PKP1: variants seen among roughly 807,000 people sequenced by gnomAD.
PKP1 encodes plakophilin 1, also known as plakophilin-1.
A neutral mutation model predicts 76.4 loss-of-function variants in PKP1; 27 were observed. The ratio of observed to expected loss-of-function variants is 0.35; its 90% confidence interval spans 0.26 to 0.49. The LOEUF (loss-of-function observed/expected upper bound fraction) is 0.49, where lower values mean the gene tolerates loss of function less well. Among genes scored for constraint, PKP1 ranks in the 20% least tolerant of loss-of-function variants. The pLI is 0.99. For synonymous variants in PKP1, 404 were observed against 384.2 expected, an observed-to-expected ratio of 1.05 and a Z score of -0.60; for missense variants, 964 against 955.2, an observed-to-expected ratio of 1.01 and a Z score of -0.12.
chr1:201,285,602 C>T (rs547100933), intron 1 of PKP1, among the ~76,000 whole-genome samples: 3 of 152,310 alleles, frequency 2.0e-5, no homozygotes, highest in Admixed American at 1.3e-4. Flanking sequence ...CACAGCTCAA[C>T]CTACTCTCCT....
At position 201,328,746 on chromosome 1, in the gene PKP1, G is replaced by C. The variant is rs750079850; in HGVS notation, c.2107-16G>C. ...CACAGTTTTGTGTCATTTGGTTGCT[G>C]TTTCTCCCTTTGCAGCAAGGTTTCG... On this transcript the variant is annotated splice_polypyrimidine_tract_variant and intron_variant, in intron 12 of 13. Coordinates refer to ENST00000367324, the MANE Select transcript of PKP1 (RefSeq NM_001005337.3). 1.9e-6 allele frequency: 3 copies of C among 1,613,548 alleles called. No individual in the cohort carries two copies. The highest frequency in any genetic ancestry group is 2.7e-5 in the African/African-American group (2 of 75,046).
At chr1:201,306,256 G>C (rs1224140664) in intron 2 of PKP1, among the ~76,000 whole-genome samples, 5 of 152,262 alleles carry the variant, frequency 3.3e-5, no homozygotes, top group African/African-American at 9.6e-5. Flanking sequence ...GCAGGAAGTG[G>C]AGACAGAGCT....
rs10920175 is a variant in PKP1 at position 201,331,714 on chromosome 1, T to C, written c.*1673T>C. 137,932 of 152,304 alleles carry C rather than the reference T, an allele frequency of 0.91. 62,664 individuals carry two copies. Among genetic ancestry groups the C allele is most frequent in the Non-Finnish European group, 0.94 (63,770 of 68,076 alleles). 9.4% of individuals were successfully genotyped at this position (152,304 alleles called of 1,614,324 possible). On this transcript the variant is annotated 3_prime_UTR_variant, in exon 14 of 14. Coordinates refer to ENST00000367324, the MANE Select transcript of PKP1 (RefSeq NM_001005337.3). ...AAACACTGATGTGGACTCAGTATGA[T>C]AACTGAGATGGGGGACGCCAGACAT...
At chr1:201,284,375 A>G (rs1291901574) in intron 1 of PKP1, among the ~76,000 whole-genome samples, 1 of 151,984 alleles carries the variant, frequency 6.6e-6, no homozygotes, top group Non-Finnish European at 1.5e-5. Flanking sequence ...CCTGGGCTTG[A>G]TCTCCTGGCC....
chr1:201,313,587 AG>A, intron 3 of PKP1, 27 bp downstream of exon 3: 1 of 1,602,782 alleles, frequency 6.2e-7, no homozygotes, highest in Non-Finnish European at 8.5e-7. Context: ...TGGGTTGGGG[AG>A]CCAGGAGGGC....
At chr1:201,322,316 T>A (rs965010405) in intron 8 of PKP1, among the ~76,000 whole-genome samples, 183 bp downstream of exon 8, 1 of 152,170 alleles carries the variant, frequency 6.6e-6, no homozygotes, top group African/African-American at 2.4e-5. Context: ...AGGCCATTCA[T>A]CTTGCACAAG....
chr1:201,300,065 C>T (rs1369354411), intron 2 of PKP1, among the ~76,000 whole-genome samples: 1 of 152,236 alleles, frequency 6.6e-6, no homozygotes. Flanking sequence ...ATGACTCACC[C>T]CCACCCAGCC....
chr1:201,297,389 G>T (rs976076142), intron 2 of PKP1, among the ~76,000 whole-genome samples: 3 of 152,182 alleles, frequency 2.0e-5, no homozygotes, highest in Non-Finnish European at 4.4e-5. Context: ...GTGAGATGGA[G>T]CAAAAGATGG....
rs1656848517 is a variant in PKP1 at position 201,318,727 on chromosome 1, T to C, written c.1164T>C (p.Asp388=). 2 of 1,612,116 alleles carry C rather than the reference T, an allele frequency of 1.2e-6. No homozygotes were observed. Among genetic ancestry groups the C allele is most frequent in the East Asian group, 2.2e-5 (1 of 44,886 alleles). The change falls in exon 6 of 14, where the codon GAT becomes GAC. Residue 388 remains aspartate, a synonymous_variant. Transcript: ENST00000367324. ...RVIIPFSGWC[D]GNSNMSREVV... is the part of the protein sequence containing the mutation. ...TCATTCCCTTCTCTGGCTGGTGCGA[T>C]GGCAATAGCAACATGTCCCGGGAAG...
intron 6 of PKP1, among the ~76,000 whole-genome samples, chr1:201,319,116 T>C (rs1414437342): frequency 2.0e-5 from 1 of 49,604 alleles, no homozygotes; most frequent in Admixed American, 2.9e-4. Flanking sequence ...ATGCATTTCT[T>C]GTGCTATCAT....
chr1:201,317,822 A>G lies in PKP1; in HGVS notation c.1054+43A>G, dbSNP rs946783295. On this transcript the variant is annotated intron_variant, in intron 5 of 13. Coordinates refer to ENST00000367324, the MANE Select transcript of PKP1 (RefSeq NM_001005337.3). Reference sequence around the variant, plus strand: ...CCGAGAGCCAGCCTGAGGGCTGTGCAAGGCCACTGGCTATGGCCCCAGGCT... The same window carrying G: ...CCGAGAGCCAGCCTGAGGGCTGTGCGAGGCCACTGGCTATGGCCCCAGGCT... The G allele has an allele frequency of 3.2e-6, 5 of 1,566,102 alleles. No individual in the cohort carries two copies. In the African/African-American group the frequency reaches 5.4e-5, roughly 17 times the overall value.
chr1:201,325,162 A>T (rs1004968189), intron 11 of PKP1, 35 bp downstream of exon 11: 92 of 1,599,114 alleles, frequency 5.8e-5, no homozygotes, highest in Non-Finnish European at 7.6e-5. Context: ...GCTGCACCCC[A>T]ATCAGAGCCC....
intron 1 of PKP1, among the ~76,000 whole-genome samples, chr1:201,285,834 T>G (rs75888275): frequency 0.059 from 8,944 of 152,330 alleles, 350 homozygotes; most frequent in Middle Eastern, 0.16. Flanking sequence ...CTTTGTTCCC[T>G]CTTTGTTTTT....
At chr1:201,330,005 A>G (rs1223634810) in intron 13 of PKP1, 69 bp from the exon 14 acceptor site, 2 of 152,240 alleles carry the variant, frequency 1.3e-5, no homozygotes, top group African/African-American at 4.8e-5. Context: ...GGGTGGCAGT[A>G]CAGGCTGGGC....
At chr1:201,284,217 G>T (rs1486544786) in intron 1 of PKP1, among the ~76,000 whole-genome samples, 2 of 152,198 alleles carry the variant, frequency 1.3e-5, no homozygotes, top group Non-Finnish European at 2.9e-5. Flanking sequence ...CCCCGCGAGC[G>T]GTTCTCCTGT....
Position 201,283,606 on chromosome 1 carries a change from C to A in PKP1, c.-97C>A, listed in dbSNP as rs1213131872. ...TATGGCCGTAGGGAGCCGCTGAGAG[C>A]GAGAAGAGCACGCTCCTGCCCGCCC... is the stretch of plus-strand genomic sequence containing the variant. On this transcript the variant is annotated 5_prime_UTR_variant, in exon 1 of 14. Coordinates refer to ENST00000367324, the MANE Select transcript of PKP1 (RefSeq NM_001005337.3). 3.7e-6 allele frequency: 4 copies of A among 1,075,632 alleles called. No individual in the cohort carries two copies. Among genetic ancestry groups the A allele is most frequent in the Non-Finnish European group, 5.6e-6 (4 of 719,346 alleles). The allele number at this position is 1,075,632 out of a possible 1,614,324, so 66.6% of individuals were successfully genotyped here. A position where few individuals can be genotyped will look rare whatever the true frequency, so the allele number is the denominator to read the frequency against.
At chr1:201,314,757 A>G (rs1431945073) in intron 3 of PKP1, among the ~76,000 whole-genome samples, 2 of 152,238 alleles carry the variant, frequency 1.3e-5, no homozygotes, top group East Asian at 3.8e-4. Context: ...TTTGCCGACC[A>G]TCTACTACAT....
intron 3 of PKP1, among the ~76,000 whole-genome samples, chr1:201,314,767 T>C (rs1656674188): frequency 6.6e-6 from 1 of 152,254 alleles, no homozygotes; most frequent in Admixed American, 6.5e-5. Flanking sequence ...ATCTACTACA[T>C]GCCAGGCTCT....
At chr1:201,284,843 C>G (rs1001552194) in intron 1 of PKP1, among the ~76,000 whole-genome samples, 3 of 152,054 alleles carry the variant, frequency 2.0e-5, no homozygotes, top group Admixed American at 6.5e-5. Flanking sequence ...AGCTGGATCC[C>G]GGGCCTGGCA....
Sources: allele counts gnomAD v4.1 joint callset (sites outside exome capture counted in the v4.1 genomes callset), GRCh38; gene constraint gnomAD v4.1.1; transcripts MANE v1.5; gene names NCBI Gene and HGNC (gene_info 2026-07-23, HGNC 2026-07-21).